The following DOP1A variants were observed in gnomAD, a reference collection of about 807,000 sequenced individuals.
DOP1A encodes the protein DOP1 leucine zipper like protein A.
A neutral mutation model predicts 267.6 loss-of-function variants in DOP1A; 90 were observed. That is an observed-to-expected ratio of 0.34 (90% CI 0.28 to 0.40). The LOEUF (loss-of-function observed/expected upper bound fraction) is 0.40. Ranked by LOEUF, DOP1A falls within the 10% of genes least tolerant of loss-of-function variation. DOP1A has a pLI of 1.00. For missense variants in DOP1A, 2,437 were observed against 2,900.4 expected, an observed-to-expected ratio of 0.84 and a Z score of 3.67; for synonymous variants, 932 against 999.1, an observed-to-expected ratio of 0.93 and a Z score of 1.27.
chr6:83,153,951 G>T lies in DOP1A; in HGVS notation c.6297G>T (p.Gly2099=), dbSNP rs371972233. Residue 2099 remains glycine, a synonymous_variant, in exon 32 of 39, where the codon GGG becomes GGT. Transcript: ENST00000349129. The stretch of plus-strand genomic sequence containing the variant: ...TCCAGCTGCTCAGCAGTCTTAGTGG[G>T]TATCAGTACACACGGAGAGCTTGGA... ...ACVQLLSSLS[G]YQYTRRAWKK... is the part of the protein sequence containing the mutation. The T allele has an allele frequency of 8.1e-6, 13 of 1,613,858 alleles. No individual in the cohort carries two copies. The African/African-American group carries it at 1.3e-4, about 17-fold the overall frequency.
intron 14 of DOP1A, 147 bp downstream of exon 14, chr6:83,125,342 A>G: frequency 9.4e-7 from 1 of 1,062,540 alleles, no homozygotes; most frequent in Non-Finnish European, 1.3e-6. Context: ...TAGAAATTTT[A>G]TAAGGCATCA....
rs1340073804 is a variant in DOP1A at position 83,138,055 on chromosome 6, G to T, written c.4013G>T (p.Gly1338Val). The T allele has an allele frequency of 6.2e-7, 1 of 1,613,374 alleles. No homozygotes were observed. The highest frequency in any genetic ancestry group is 2.2e-5 in the East Asian group (1 of 44,850). ...GATTTAGAGAACTGGTATAGCTGTG[G>T]AGAGGGAGACATTTCTGAAATTGAG... ...GLDLENWYSC[G>V]EGDISEIESD... The change falls in exon 21 of 39, where the codon GGA (glycine) becomes GTA (valine). Residue 1338 changes from glycine to valine, a missense_variant. Around this residue, in one of 9 missense-constraint regions of DOP1A, gnomAD observed 878 missense variants for 992.9 expected, o/e 0.88. Transcript: ENST00000349129.
At chr6:83,154,608 ATGG>A (rs1036846658) in intron 33 of DOP1A, among the ~76,000 whole-genome samples, 10 of 152,310 alleles carry the variant, frequency 6.6e-5, no homozygotes, top group African/African-American at 2.2e-4. Flanking sequence ...AGACTGACAG[ATGG>A]TGAAGTGCAA....
Position 83,141,904 on chromosome 6 carries a change from G to C in DOP1A, c.5416-17G>C. The C allele has an allele frequency of 6.3e-7, 1 of 1,575,474 alleles. No individual in the cohort carries two copies. Among genetic ancestry groups the C allele is most frequent in the Non-Finnish European group, 8.6e-7 (1 of 1,167,950 alleles). ...TTTTTTAAAAGTTTCACTTTCATTTGCTTCAAATTGTTTTAGAACTTGAGA... is the reference window on the plus strand; with the variant it reads ...TTTTTTAAAAGTTTCACTTTCATTTCCTTCAAATTGTTTTAGAACTTGAGA... On this transcript the variant is annotated splice_polypyrimidine_tract_variant and intron_variant, in intron 23 of 38. Transcript: ENST00000349129.
chr6:83,113,234 C>G (rs1157795125), intron 6 of DOP1A, 89 bp from the exon 7 acceptor site: 5 of 903,376 alleles, frequency 5.5e-6, no homozygotes, highest in Non-Finnish European at 8.8e-6. Flanking sequence ...CAGAAGCATA[C>G]TTTCGAGAAA....
chr6:83,164,699 T>C (rs541604662), intron 38 of DOP1A: 17 of 1,590,924 alleles, frequency 1.1e-5, no homozygotes, highest in Middle Eastern at 3.3e-4. Flanking sequence ...TTTGGAGGGA[T>C]TGGAGATGGC....
At chr6:83,091,846 ACT>A (rs1175270662) in intron 1 of DOP1A, among the ~76,000 whole-genome samples, 2 of 152,166 alleles carry the variant, frequency 1.3e-5, no homozygotes, top group Admixed American at 1.3e-4. Context: ...CGTGTGTTTT[ACT>A]CTGTCTACCA....
At chr6:83,109,799 G>A (rs763182533) in intron 5 of DOP1A, among the ~76,000 whole-genome samples, 25 of 152,066 alleles carry the variant, frequency 1.6e-4, no homozygotes, top group South Asian at 2.1e-4. Flanking sequence ...ATTACTTAGC[G>A]TACTTTAACA....
At chr6:83,080,500 A>G (rs370245056) in intron 1 of DOP1A, among the ~76,000 whole-genome samples, 2 of 152,304 alleles carry the variant, frequency 1.3e-5, no homozygotes, top group East Asian at 1.9e-4. Context: ...TGTCTTTAGT[A>G]GGTCCTATAA....
At chr6:83,147,430 T>C (rs372175608) in intron 26 of DOP1A, 139 bp downstream of exon 26, 225 of 401,474 alleles carry the variant, frequency 5.6e-4, no homozygotes, top group African/African-American at 4.1e-3. Flanking sequence ...CCTAAGGATA[T>C]TGAAGATTCC....
At chr6:83,145,741 TC>T in intron 25 of DOP1A, 83 bp downstream of exon 25, 1 of 1,369,484 alleles carries the variant, frequency 7.3e-7, no homozygotes, top group African/African-American at 1.5e-5. Flanking sequence ...TACAATAATG[TC>T]CTTTCAATAT....
rs147017361 is a variant in DOP1A at position 83,128,890 on chromosome 6, T to C, written c.1723T>C (p.Ser575Pro). Residue 575 changes from serine to proline, a missense_variant, in exon 16 of 39, where the codon TCA becomes CCA. Coordinates refer to ENST00000349129, the MANE Select transcript of DOP1A (RefSeq NM_015018.4). ...SVKEWEDKKV[S>P]SVSHENPTEV... ...TTTTCTTAAAAATCTCTAACAGGTA[T>C]CATCAGTTTCTCATGAAAATCCTAC... 16 of 1,519,776 alleles carry C rather than the reference T, an allele frequency of 1.1e-5. No homozygotes were observed. In the African/African-American group the frequency reaches 1.8e-4, roughly 17 times the overall value. 94.1% of individuals were successfully genotyped at this position (1,519,776 alleles called of 1,614,324 possible).
At chr6:83,115,479 T>C (rs1344683622) in intron 7 of DOP1A, among the ~76,000 whole-genome samples, 1 of 152,118 alleles carries the variant, frequency 6.6e-6, no homozygotes, top group Non-Finnish European at 1.5e-5. Flanking sequence ...TCCCAGCACT[T>C]TGGGAGGCCG....
chr6:83,167,826 T>C (rs1786173913), intron 38 of DOP1A, 36 bp from the exon 39 acceptor site: 1 of 1,561,192 alleles, frequency 6.4e-7, no homozygotes, highest in Admixed American at 2.0e-5. Context: ...ACATTGTCTG[T>C]TGTATTAATA....
chr6:83,069,391 T>C (rs1785237357), intron 1 of DOP1A, among the ~76,000 whole-genome samples: 1 of 152,174 alleles, frequency 6.6e-6, no homozygotes. Context: ...TACATGTAAA[T>C]CTCCAGAAGG....
chr6:83,148,486 A>C (rs138375579), intron 26 of DOP1A, among the ~76,000 whole-genome samples: 3,304 of 151,692 alleles, frequency 0.022, 41 homozygotes, highest in African/African-American at 0.036. Context: ...CATAATCCCA[A>C]CACTTTGGGA....
Position 83,119,843 on chromosome 6 carries a change from G to T in DOP1A, c.976G>T (p.Glu326Ter), listed in dbSNP as rs767548463. 3 of 1,611,208 alleles carry T rather than the reference G, an allele frequency of 1.9e-6. No individual in the cohort carries two copies. Among genetic ancestry groups the T allele is most frequent in the South Asian group, 1.1e-5 (1 of 90,972 alleles). The stretch of plus-strand genomic sequence containing the variant: ...TTACTATTTCACTACCTTTTCAAAA[G>T]AATTATTAGTCCAGGTAATGAATAC... ...ATYYFTTFSK[E>*]LLVQAMVGIL... is the part of the protein sequence containing the mutation. The change falls in exon 9 of 39, where the codon GAA becomes TAA. Residue 326 changes from glutamate (E) to a stop codon, truncating the protein, a stop_gained. Coordinates refer to ENST00000349129, the MANE Select transcript of DOP1A (RefSeq NM_015018.4). LOFTEE classifies it high-confidence loss of function.
At chr6:83,114,781 C>G (rs1458359073) in intron 7 of DOP1A, among the ~76,000 whole-genome samples, 1 of 152,120 alleles carries the variant, frequency 6.6e-6, no homozygotes, top group Non-Finnish European at 1.5e-5. Flanking sequence ...CCAAAATGTT[C>G]TAGATTCTTA....
downstream of DOP1A, chr6:83,168,594 T>C (rs1786402842): frequency 1.0e-6 from 1 of 997,594 alleles, no homozygotes; most frequent in South Asian, 4.4e-5. Flanking sequence ...GTATTATAAT[T>C]AGTTTTTCTC....
Sources: allele counts gnomAD v4.1 joint callset (sites outside exome capture counted in the v4.1 genomes callset), GRCh38; gene constraint gnomAD v4.1.1; regional missense constraint gnomAD v4.1.1; transcripts MANE v1.5; gene names NCBI Gene and HGNC (gene_info 2026-07-23, HGNC 2026-07-21).